GALNT17: variants seen among roughly 807,000 people sequenced by gnomAD.
The protein encoded by GALNT17 is UDP-GalNAc:polypeptide N-acetylgalactosaminyltransferase-like 3.
Under a neutral mutation model 63.7 loss-of-function variants are expected in GALNT17, and 29 were observed. That is an observed-to-expected ratio of 0.46 (90% CI 0.34 to 0.62). The LOEUF (loss-of-function observed/expected upper bound fraction) is 0.62, where lower values mean the gene tolerates loss of function less well. GALNT17 is among the 20% of genes least tolerant of loss of function. The probability of loss-of-function intolerance (pLI) is 0.01; values close to 1 mark genes in which losing one functional copy is unlikely to be tolerated. For missense variants in GALNT17, 603 were observed against 799.6 expected (o/e 0.75, Z 2.97); for synonymous variants, 305 against 318.3 (o/e 0.96, Z 0.45).
chr7:71,646,798 G>A (rs1482810461), intron 6 of GALNT17, among the ~76,000 whole-genome samples: 1 of 148,414 alleles, frequency 6.7e-6, no homozygotes, highest in Non-Finnish European at 1.5e-5. Context: ...CCAGGCTGGA[G>A]TGCAGTGGTG....
intron 8 of GALNT17, among the ~76,000 whole-genome samples, chr7:71,674,423 A>G (rs1338665727): frequency 2.0e-5 from 3 of 150,690 alleles, no homozygotes; most frequent in Non-Finnish European, 4.4e-5. Context: ...ATGACATACT[A>G]TAGCCAAGAA....
chr7:71,141,379 A>T (rs376592080), intron 1 of GALNT17, among the ~76,000 whole-genome samples: 1 of 152,040 alleles, frequency 6.6e-6, no homozygotes, highest in African/African-American at 2.4e-5. Flanking sequence ...TCTCAAAAAA[A>T]AAAAGAAAAG....
At position 71,566,664 on chromosome 7, in the gene GALNT17, CTTTTT is replaced by C. The variant is rs568457006; in HGVS notation, c.963-4607_963-4603del. ...TTCCTCTTCTAGCTGCGAGATAAAG[CTTTTT>C]TTTTTTTTTTTTTCCTGCTCTGGAT... On this transcript the variant is annotated intron_variant, in intron 5 of 10. Transcript: ENST00000333538. Among the ~76,000 whole-genome samples, 3 of 131,614 alleles carry C rather than the reference CTTTTT, an allele frequency of 2.3e-5. No individual in the cohort carries two copies. In the East Asian group the frequency reaches 6.7e-4, roughly 29 times the overall value. 86.3% of individuals were successfully genotyped at this position (131,614 alleles called of 152,430 possible).
At chr7:71,333,421 A>C (rs954505623) in intron 1 of GALNT17, among the ~76,000 whole-genome samples, 1 of 152,242 alleles carries the variant, frequency 6.6e-6, no homozygotes, top group African/African-American at 2.4e-5. Flanking sequence ...TTAGCTAATA[A>C]GAATAATGCA....
At chr7:71,324,801 A>C (rs1019435322) in intron 1 of GALNT17, among the ~76,000 whole-genome samples, 1 of 152,234 alleles carries the variant, frequency 6.6e-6, no homozygotes, top group Non-Finnish European at 1.5e-5. Flanking sequence ...AAAAATATAC[A>C]TATAGCACAC....
chr7:71,670,224 G>T, intron 8 of GALNT17, 115 bp downstream of exon 8: 1 of 1,434,728 alleles, frequency 7.0e-7, no homozygotes, highest in South Asian at 1.2e-5. Flanking sequence ...GTTTTTGGAG[G>T]TGCTGGCCCT....
At chr7:71,407,061 C>T (rs1793341097) in intron 3 of GALNT17, among the ~76,000 whole-genome samples, 1 of 152,162 alleles carries the variant, frequency 6.6e-6, no homozygotes. Flanking sequence ...AATCCCTAAG[C>T]ACAGAGAACT....
intron 1 of GALNT17, among the ~76,000 whole-genome samples, chr7:71,186,840 C>G (rs1456761322): frequency 6.6e-6 from 1 of 152,142 alleles, no homozygotes. Flanking sequence ...AATATTTTCC[C>G]TAAGGCGAGA....
chr7:71,483,163 C>T (rs944236867), intron 5 of GALNT17, among the ~76,000 whole-genome samples: 4 of 152,162 alleles, frequency 2.6e-5, no homozygotes, highest in Non-Finnish European at 5.9e-5. Context: ...CTGAAAGTTG[C>T]TCTGGGTGAG....
chr7:71,575,356 A>G (rs866431701), intron 6 of GALNT17, among the ~76,000 whole-genome samples: 2 of 151,518 alleles, frequency 1.3e-5, no homozygotes, highest in African/African-American at 2.4e-5. Context: ...CTTTCATTCA[A>G]TGGAAAATTT....
chr7:71,592,562 A>AGAATAG (rs1367067882), intron 6 of GALNT17, among the ~76,000 whole-genome samples: 1 of 122,872 alleles, frequency 8.1e-6, no homozygotes, highest in African/African-American at 3.0e-5. Flanking sequence ...AGCATAGCAT[A>AGAATAG]CTAAAATAAA....
At chr7:71,699,275 C>T (rs887500469) in intron 9 of GALNT17, among the ~76,000 whole-genome samples, 8 of 150,322 alleles carry the variant, frequency 5.3e-5, no homozygotes, top group South Asian at 2.1e-4. Flanking sequence ...GTCAAGATAT[C>T]GATACCATTC....
In GALNT17 at chr7:71,668,516, CAAAAAA is replaced by C. The variant is rs56329930; in HGVS notation, c.1267-1442_1267-1437del. Among the ~76,000 whole-genome samples, 6 of 62,958 alleles carry C rather than the reference CAAAAAA, an allele frequency of 9.5e-5. 1 individual carries two copies. Among genetic ancestry groups the C allele is most frequent in the Admixed American group, 5.7e-4 (2 of 3,496 alleles). 41.3% of individuals were successfully genotyped at this position (62,958 alleles called of 152,430 possible). On this transcript the variant is annotated intron_variant, in intron 7 of 10. Coordinates refer to ENST00000333538, the MANE Select transcript of GALNT17 (RefSeq NM_022479.3). ...GGGCAACAAGGGCCAGACACCATCT[CAAAAAA>C]AAAAAAAAAAAAAGACCATTTCATG...
chr7:71,609,775 C>T (rs923236934), intron 6 of GALNT17, among the ~76,000 whole-genome samples: 1 of 151,786 alleles, frequency 6.6e-6, no homozygotes, highest in African/African-American at 2.4e-5. Context: ...TATATGGTGT[C>T]ACCATATAGT....
At chr7:71,358,302 G>A (rs959315692) in intron 2 of GALNT17, among the ~76,000 whole-genome samples, 1 of 152,216 alleles carries the variant, frequency 6.6e-6, no homozygotes, top group Non-Finnish European at 1.5e-5. Flanking sequence ...AGGCTGAAGG[G>A]GAGAATCACT....
At chr7:71,580,297 G>C (rs1382818613) in intron 6 of GALNT17, among the ~76,000 whole-genome samples, 1 of 151,966 alleles carries the variant, frequency 6.6e-6, no homozygotes, top group Non-Finnish European at 1.5e-5. Context: ...TAAGATACAT[G>C]GATGATAGAT....
chr7:71,199,865 A>G (rs1443123060), intron 1 of GALNT17, among the ~76,000 whole-genome samples: 2 of 152,204 alleles, frequency 1.3e-5, no homozygotes, highest in Non-Finnish European at 2.9e-5. Flanking sequence ...AAGAAAAATA[A>G]GACCATGTCG....
intron 9 of GALNT17, among the ~76,000 whole-genome samples, chr7:71,687,634 C>T (rs1409584165): frequency 1.3e-5 from 2 of 152,132 alleles, no homozygotes; most frequent in Non-Finnish European, 2.9e-5. Flanking sequence ...CCACGAAAAC[C>T]CAATTCCTAG....
intron 1 of GALNT17, among the ~76,000 whole-genome samples, chr7:71,321,405 C>T (rs1263752489): frequency 1.3e-5 from 2 of 152,146 alleles, no homozygotes; most frequent in Non-Finnish European, 2.9e-5. Context: ...TCTCCTCACA[C>T]AGGGGGATAT....
Sources: gnomAD v4.1 joint callset for allele counts (sites outside exome capture counted in the v4.1 genomes callset) on GRCh38, gnomAD v4.1.1 for gene constraint, MANE v1.5 for transcripts, NCBI Gene and HGNC (gene_info 2026-07-23, HGNC 2026-07-21) for gene names.